The following XPR1 variants were observed in gnomAD, a reference collection of about 807,000 sequenced individuals.
XPR1 encodes the protein xenotropic and polytropic retrovirus receptor 1, also known as solute carrier family 53 member 1.
A neutral mutation model predicts 87.5 loss-of-function variants in XPR1; 28 were observed. The observed-to-expected ratio is 0.32, with a 90% CI of 0.24 to 0.44. The LOEUF (loss-of-function observed/expected upper bound fraction) is 0.44. Ranked by LOEUF, XPR1 falls within the 20% of genes least tolerant of loss-of-function variation. The probability of loss-of-function intolerance (pLI) is 1.00; values close to 1 mark genes in which losing one functional copy is unlikely to be tolerated. For missense variants in XPR1, 559 were observed against 862.3 expected, an observed-to-expected ratio of 0.65 and a Z score of 4.41; for synonymous variants, 300 against 306.1, an observed-to-expected ratio of 0.98 and a Z score of 0.21.
intron 1 of XPR1, among the ~76,000 whole-genome samples, chr1:180,670,811 T>C (rs1163429645): frequency 6.6e-6 from 1 of 152,216 alleles, no homozygotes; most frequent in Non-Finnish European, 1.5e-5. Flanking sequence ...ACAAACTTCT[T>C]CAGCTGTTTG....
At chr1:180,760,788 A>G (rs1298081693) in intron 2 of XPR1, among the ~76,000 whole-genome samples, 2 of 152,204 alleles carry the variant, frequency 1.3e-5, no homozygotes, top group African/African-American at 4.8e-5. Flanking sequence ...ATGGAACCAA[A>G]AAAGAGCCCG....
chr1:180,705,334 A>G lies in XPR1; in HGVS notation c.121+22923A>G, dbSNP rs542586870. Reference sequence around the variant, plus strand: ...TAAGAGGTGCAATCAGTGAAATTGGAAAAGGAAATTGAATTTATATTGGTG... The same window carrying G: ...TAAGAGGTGCAATCAGTGAAATTGGGAAAGGAAATTGAATTTATATTGGTG... On this transcript the variant is annotated intron_variant, in intron 2 of 14. Coordinates refer to ENST00000367590, the MANE Select transcript of XPR1 (RefSeq NM_004736.4). Among the ~76,000 whole-genome samples the G allele has an allele frequency of 1.9e-4, 29 of 152,334 alleles. No individual in the cohort carries two copies. In the East Asian group the frequency reaches 5.6e-3, roughly 29 times the overall value.
At chr1:180,736,543 C>T (rs1658737043) in intron 2 of XPR1, among the ~76,000 whole-genome samples, 1 of 152,162 alleles carries the variant, frequency 6.6e-6, no homozygotes, top group South Asian at 2.1e-4. Flanking sequence ...TGTCTTCACA[C>T]CATGGTCTAG....
At chr1:180,820,624 T>C (rs1373181253) in intron 7 of XPR1, among the ~76,000 whole-genome samples, 3 of 152,230 alleles carry the variant, frequency 2.0e-5, no homozygotes, top group Admixed American at 6.5e-5. Context: ...TTTAATTTTC[T>C]GAGGAGCCAC....
At chr1:180,707,100 A>T (rs61809343) in intron 2 of XPR1, among the ~76,000 whole-genome samples, 1 of 152,004 alleles carries the variant, frequency 6.6e-6, no homozygotes, top group Admixed American at 6.5e-5. Flanking sequence ...GAGAATCAAC[A>T]AAAATAACGG....
At chr1:180,866,024 T>C (rs541930823) in intron 12 of XPR1, among the ~76,000 whole-genome samples, 50 of 152,068 alleles carry the variant, frequency 3.3e-4, no homozygotes, top group Admixed American at 9.2e-4. Context: ...GGCATCATAG[T>C]GTGAGACACT....
intron 2 of XPR1, among the ~76,000 whole-genome samples, chr1:180,709,918 A>G (rs997646952): frequency 1.7e-5 from 2 of 115,378 alleles, no homozygotes; most frequent in African/African-American, 3.2e-5. Context: ...TTTTATTTTT[A>G]TTTTCGAGAT....
At chr1:180,783,290 A>C (rs1053777704) in intron 2 of XPR1, among the ~76,000 whole-genome samples, 2 of 151,982 alleles carry the variant, frequency 1.3e-5, no homozygotes, top group African/African-American at 4.8e-5. Flanking sequence ...TCAACTAGCT[A>C]TGCTGGGCTG....
intron 1 of XPR1, among the ~76,000 whole-genome samples, chr1:180,662,539 T>C (rs965865143): frequency 5.3e-5 from 8 of 152,342 alleles, no homozygotes; most frequent in Non-Finnish European, 1.0e-4. Context: ...TTTCTCTTGC[T>C]GCTTTTATGA....
intron 1 of XPR1, among the ~76,000 whole-genome samples, chr1:180,646,925 C>T (rs1441833122): frequency 6.6e-6 from 1 of 152,214 alleles, no homozygotes; most frequent in Non-Finnish European, 1.5e-5. Context: ...GCTTAATTGT[C>T]ACTTACCACT....
chr1:180,788,783 CA>C (rs1375629360), intron 3 of XPR1, among the ~76,000 whole-genome samples: 1 of 152,126 alleles, frequency 6.6e-6, no homozygotes, highest in Non-Finnish European at 1.5e-5. Context: ...CATCTCTTGG[CA>C]AAGACTTTGG....
At chr1:180,825,086 ATTAAAGATATT>A in intron 8 of XPR1, 68 bp from the exon 9 acceptor site, 1 of 1,514,804 alleles carries the variant, frequency 6.6e-7, no homozygotes, top group Non-Finnish European at 8.8e-7. Flanking sequence ...CTTTTGTTTT[ATTAAAGATATT>A]TTAAGTAATG....
intron 13 of XPR1, among the ~76,000 whole-genome samples, chr1:180,877,766 A>G (rs1652709391): frequency 6.6e-6 from 1 of 152,180 alleles, no homozygotes; most frequent in African/African-American, 2.4e-5. Context: ...AAATTAGCCA[A>G]GAGAAAGAAG....
chr1:180,709,317 A>G (rs1349177457), intron 2 of XPR1, among the ~76,000 whole-genome samples: 3 of 152,224 alleles, frequency 2.0e-5, no homozygotes, highest in South Asian at 2.1e-4. Context: ...AATAAACTGT[A>G]TATATTTAAA....
At chr1:180,707,098 A>G (rs1381072845) in intron 2 of XPR1, among the ~76,000 whole-genome samples, 1 of 152,240 alleles carries the variant, frequency 6.6e-6, no homozygotes, top group Non-Finnish European at 1.5e-5. Flanking sequence ...TGGAGAATCA[A>G]CAAAAATAAC....
intron 2 of XPR1, among the ~76,000 whole-genome samples, chr1:180,781,165 TG>T (rs1258190889): frequency 6.6e-6 from 1 of 151,870 alleles, no homozygotes; most frequent in Non-Finnish European, 1.5e-5. Flanking sequence ...GTTGGAGTGT[TG>T]TTTTTTTTTT....
chr1:180,716,784 T>C (rs1214733689), intron 2 of XPR1, among the ~76,000 whole-genome samples: 2 of 152,216 alleles, frequency 1.3e-5, no homozygotes, highest in African/African-American at 4.8e-5. Flanking sequence ...TTTCAGCAGC[T>C]ATTTGCTACC....
At chr1:180,656,119 G>T (rs1655458070) in intron 1 of XPR1, among the ~76,000 whole-genome samples, 1 of 149,838 alleles carries the variant, frequency 6.7e-6, no homozygotes, top group Admixed American at 6.8e-5. Flanking sequence ...TGAGCCCCTG[G>T]TAACTATCCT....
intron 2 of XPR1, among the ~76,000 whole-genome samples, chr1:180,748,254 A>G (rs746423784): frequency 2.6e-4 from 40 of 152,162 alleles, no homozygotes; most frequent in Non-Finnish European, 3.7e-4. Flanking sequence ...TTAAATTTTC[A>G]GAAATCTTGT....
Sources: gnomAD v4.1 joint callset for allele counts (sites outside exome capture counted in the v4.1 genomes callset) on GRCh38, gnomAD v4.1.1 for gene constraint, MANE v1.5 for transcripts, NCBI Gene and HGNC (gene_info 2026-07-23, HGNC 2026-07-21) for gene names.